The following CSMD3 variants were observed in gnomAD, a reference collection of about 807,000 sequenced individuals.
The protein encoded by CSMD3 is CUB and Sushi multiple domains 3.
In CSMD3, 177 loss-of-function variants were observed where a neutral mutation model predicts 435.2. That is an observed-to-expected ratio of 0.41 (90% CI 0.36 to 0.46). The LOEUF is 0.46. Ranked by LOEUF, CSMD3 falls within the 20% of genes least tolerant of loss-of-function variation. CSMD3 has a pLI of 0.34. For synonymous variants in CSMD3, 1,656 were observed against 1,520.5 expected (o/e 1.09, Z -2.07); for missense variants, 4,265 against 4,504.6 (o/e 0.95, Z 1.52).
chr8:112,471,650 A>C (rs561535563), intron 32 of CSMD3, among the ~76,000 whole-genome samples: 54 of 152,132 alleles, frequency 3.5e-4, no homozygotes, highest in Non-Finnish European at 7.1e-4. Flanking sequence ...GGTTATAAGA[A>C]ATTGGACTGG....
chr8:112,661,804 C>A (rs951454607), intron 17 of CSMD3, among the ~76,000 whole-genome samples: 6 of 152,038 alleles, frequency 3.9e-5, no homozygotes, highest in Admixed American at 1.3e-4. Flanking sequence ...CATAAGAAAA[C>A]ACTGCTGTTT....
chr8:113,158,357 A>G (rs17606509), intron 4 of CSMD3, among the ~76,000 whole-genome samples: 14,664 of 152,086 alleles, frequency 0.096, 916 homozygotes, highest in Middle Eastern at 0.17. Context: ...TGCATGTATG[A>G]TAAGGTTCAT....
chr8:113,434,443 A>G (rs2094692886), intron 1 of CSMD3, among the ~76,000 whole-genome samples: 1 of 152,136 alleles, frequency 6.6e-6, no homozygotes, highest in Non-Finnish European at 1.5e-5. Flanking sequence ...TAAAATGAGG[A>G]AAGGGAGAGT....
chr8:112,935,056 A>T (rs890422399), intron 9 of CSMD3, among the ~76,000 whole-genome samples: 1 of 152,040 alleles, frequency 6.6e-6, no homozygotes, highest in Non-Finnish European at 1.5e-5. Flanking sequence ...TAAATACCTA[A>T]ATTTATTTTG....
At chr8:112,854,636 A>G (rs2129778829) in intron 11 of CSMD3, among the ~76,000 whole-genome samples, 1 of 152,324 alleles carries the variant, frequency 6.6e-6, no homozygotes, top group African/African-American at 2.4e-5. Context: ...AGACTCACAA[A>G]GTTTCTTATG....
chr8:112,309,008 T>G (rs1423872589), intron 50 of CSMD3, among the ~76,000 whole-genome samples: 1 of 152,036 alleles, frequency 6.6e-6, no homozygotes, highest in African/African-American at 2.4e-5. Context: ...CTTAATCTTT[T>G]TTAACAATTA....
At chr8:112,668,234 T>C (rs2075572623) in intron 16 of CSMD3, among the ~76,000 whole-genome samples, 2 of 152,146 alleles carry the variant, frequency 1.3e-5, no homozygotes, top group Admixed American at 6.6e-5. Flanking sequence ...TTAGGTTTCC[T>C]GTAGGGTTAT....
Position 113,297,175 on chromosome 8 carries a change from G to A in CSMD3, c.401+17396C>T, listed in dbSNP as rs564942313. ...TTAAACTAAAGAAAAGAATTTCCAC[G>A]TAGCTATTATGAAATTAGGTGCTAG... On this transcript the variant is annotated intron_variant, in intron 2 of 70. Transcript: ENST00000297405. Among the ~76,000 whole-genome samples, 10 of 152,056 alleles carry A rather than the reference G, an allele frequency of 6.6e-5. No homozygotes were observed. In the Middle Eastern group the frequency reaches 0.017, roughly 260 times the overall value.
At chr8:112,848,631 T>C (rs2080395393) in intron 11 of CSMD3, among the ~76,000 whole-genome samples, 1 of 152,238 alleles carries the variant, frequency 6.6e-6, no homozygotes, top group South Asian at 2.1e-4. Context: ...TAGTTTCCAA[T>C]GTACAAAGTG....
intron 3 of CSMD3, among the ~76,000 whole-genome samples, chr8:113,206,688 T>C (rs2092774680): frequency 6.6e-6 from 1 of 152,180 alleles, no homozygotes; most frequent in Non-Finnish European, 1.5e-5. Flanking sequence ...CATTTTCTCA[T>C]GTAACTGTAC....
chr8:112,441,933 T>A (rs200124554), intron 32 of CSMD3, among the ~76,000 whole-genome samples: 30,693 of 152,008 alleles, frequency 0.2, 3,722 homozygotes, highest in East Asian at 0.38. Context: ...ATCAGATTTT[T>A]TTTGGTAAAC....
chr8:112,457,553 T>C lies in CSMD3; in HGVS notation c.5395+15038A>G, dbSNP rs138379473. The stretch of plus-strand genomic sequence containing the variant: ...ACAGTTCTCATATCACAAATTTAAA[T>C]GTTCAAGAAATGTAATTTCTCATCT... On this transcript the variant is annotated intron_variant, in intron 32 of 70. Coordinates refer to ENST00000297405, the MANE Select transcript of CSMD3 (RefSeq NM_198123.2). Among the ~76,000 whole-genome samples the C allele has an allele frequency of 2.6e-5, 4 of 152,204 alleles. No individual in the cohort carries two copies. The East Asian group carries it at 5.8e-4, about 22-fold the overall frequency.
At chr8:113,087,565 C>T (rs1318903644) in intron 5 of CSMD3, among the ~76,000 whole-genome samples, 42 of 152,178 alleles carry the variant, frequency 2.8e-4, no homozygotes, top group African/African-American at 9.9e-4. Flanking sequence ...ATATCTACAA[C>T]TATCTGATCT....
chr8:113,252,584 T>C (rs1291785791), intron 3 of CSMD3, among the ~76,000 whole-genome samples: 3 of 152,134 alleles, frequency 2.0e-5, no homozygotes, highest in African/African-American at 7.2e-5. Flanking sequence ...AAACAACCTT[T>C]TTCATTTTTC....
intron 5 of CSMD3, among the ~76,000 whole-genome samples, chr8:113,084,786 T>A (rs149451582): frequency 6.6e-6 from 1 of 151,924 alleles, no homozygotes; most frequent in Non-Finnish European, 1.5e-5. Context: ...TAAAACATAA[T>A]AGAGAACCTG....
rs115639541 is a variant in CSMD3, at chr8:112,388,614, G to T, written c.5934+2050C>A. 8.2e-3 allele frequency among the ~76,000 whole-genome samples: 1,256 copies of T among 152,292 alleles called. 15 individuals carry two copies. Among genetic ancestry groups the T allele is most frequent in the African/African-American group, 0.029 (1,192 of 41,568 alleles). On this transcript the variant is annotated intron_variant, in intron 36 of 70. Coordinates refer to ENST00000297405, the MANE Select transcript of CSMD3 (RefSeq NM_198123.2). ...TTCTATGAAGTCAGTTTTAGAGGTT[G>T]AATTTGACAAGCCATCAAGAAGTTT...
At chr8:112,856,024 C>T (rs1051002704) in intron 11 of CSMD3, among the ~76,000 whole-genome samples, 16 of 151,798 alleles carry the variant, frequency 1.1e-4, no homozygotes, top group African/African-American at 3.9e-4. Flanking sequence ...TGAGGTATGT[C>T]TTCAGTCTTC....
At position 112,689,560 on chromosome 8, in the gene CSMD3, T is replaced by A. The variant is rs577628537; in HGVS notation, c.2155+308A>T. On this transcript the variant is annotated intron_variant, in intron 14 of 70. Coordinates refer to ENST00000297405, the MANE Select transcript of CSMD3 (RefSeq NM_198123.2). ...TTAAAATAAATGAGTCTATTAGAAT[T>A]CATTCAGATGTATAATTTCCATAAG... Among the ~76,000 whole-genome samples the A allele has an allele frequency of 3.1e-4, 47 of 152,168 alleles. 1 individual carries two copies. In the South Asian group the frequency reaches 8.7e-3, roughly 28 times the overall value.
intron 6 of CSMD3, 153 bp downstream of exon 6, chr8:113,018,914 A>T: frequency 1.5e-6 from 1 of 659,918 alleles, no homozygotes; most frequent in South Asian, 1.7e-5. Flanking sequence ...TTTAGTTATG[A>T]TCACATTATT....
Sources: allele counts gnomAD v4.1 joint callset (sites outside exome capture counted in the v4.1 genomes callset), GRCh38; gene constraint gnomAD v4.1.1; transcripts MANE v1.5; gene names NCBI Gene and HGNC (gene_info 2026-07-23, HGNC 2026-07-21).